The following ZNF804B variants were observed in gnomAD, a reference collection of about 807,000 sequenced individuals.
ZNF804B encodes zinc finger 804B.
In ZNF804B, 80 loss-of-function variants were observed where a neutral mutation model predicts 101.4. The ratio of observed to expected loss-of-function variants is 0.79; its 90% confidence interval spans 0.66 to 0.95. The LOEUF (loss-of-function observed/expected upper bound fraction) is 0.95. Ranked by LOEUF, ZNF804B falls within the 40% of genes least tolerant of loss-of-function variation. The pLI, the probability that ZNF804B is intolerant of heterozygous loss-of-function variation, is 0.00. For missense variants in ZNF804B, 1,673 were observed against 1,561.9 expected, an observed-to-expected ratio of 1.07 and a Z score of -1.20; for synonymous variants, 622 against 558.8, an observed-to-expected ratio of 1.11 and a Z score of -1.59.
Position 89,265,289 on chromosome 7 carries a change from T to TCAC in ZNF804B, c.249+46994_249+46995insCAC, listed in dbSNP as rs1562931331. Among the ~76,000 whole-genome samples the TCAC allele has an allele frequency of 1.3e-4, 15 of 118,548 alleles. No homozygotes were observed. The East Asian group carries it at 3.0e-3, about 24-fold the overall frequency. 77.8% of individuals were successfully genotyped at this position (118,548 alleles called of 152,430 possible). ...CAGTGTGTGTGTGTGTGTGTGTGTG[T>TCAC]GTGTGCGCGTGCGCGCGCGCACACA... On this transcript the variant is annotated intron_variant, in intron 2 of 3. Coordinates refer to ENST00000333190, the MANE Select transcript of ZNF804B (RefSeq NM_181646.5).
rs73395326 is a variant in ZNF804B at position 88,905,492 on chromosome 7, A to T, written c.108+145408A>T. On this transcript the variant is annotated intron_variant, in intron 1 of 3. Transcript: ENST00000333190. Reference sequence around the variant, plus strand: ...CCTGCCTCAACCTCCCAAATGTCTGAGATTACAGGCATCTGCCACCATCCC... The same window carrying T: ...CCTGCCTCAACCTCCCAAATGTCTGTGATTACAGGCATCTGCCACCATCCC... 2.5e-3 allele frequency among the ~76,000 whole-genome samples: 374 copies of T among 151,828 alleles called. 2 individuals are homozygous for T. The highest frequency in any genetic ancestry group is 8.9e-3 in the African/African-American group (370 of 41,410).
At chr7:89,190,822 T>C (rs1788445462) in intron 1 of ZNF804B, among the ~76,000 whole-genome samples, 1 of 152,158 alleles carries the variant, frequency 6.6e-6, no homozygotes, top group Non-Finnish European at 1.5e-5. Context: ...AAAAGATTTT[T>C]ACTCGCTGAA....
chr7:89,108,191 G>T (rs547951220), intron 1 of ZNF804B, among the ~76,000 whole-genome samples: 31 of 151,560 alleles, frequency 2.0e-4, no homozygotes, highest in African/African-American at 7.0e-4. Flanking sequence ...ACCTCTTTGT[G>T]GGCATTAGTT....
chr7:88,798,987 A>C (rs2115705149), intron 1 of ZNF804B, among the ~76,000 whole-genome samples: 2 of 152,262 alleles, frequency 1.3e-5, no homozygotes, highest in East Asian at 3.9e-4. Context: ...ACAACTGATA[A>C]GTCACAGAAC....
chr7:88,783,629 G>C (rs925905446), intron 1 of ZNF804B, among the ~76,000 whole-genome samples: 1 of 152,144 alleles, frequency 6.6e-6, no homozygotes, highest in Non-Finnish European at 1.5e-5. Flanking sequence ...GAATAAAAAT[G>C]TTCAGAGAAA....
At chr7:89,119,802 C>G (rs969573727) in intron 1 of ZNF804B, among the ~76,000 whole-genome samples, 29 of 152,052 alleles carry the variant, frequency 1.9e-4, no homozygotes, top group African/African-American at 6.5e-4. Flanking sequence ...TGGAAAGTTA[C>G]TAAGACATAA....
At chr7:89,058,206 A>T (rs1789325705) in intron 1 of ZNF804B, among the ~76,000 whole-genome samples, 1 of 152,136 alleles carries the variant, frequency 6.6e-6, no homozygotes, top group African/African-American at 2.4e-5. Flanking sequence ...ATCTGCAAAT[A>T]AAATAATGTG....
chr7:89,184,984 G>C (rs1788354835), intron 1 of ZNF804B, among the ~76,000 whole-genome samples: 1 of 152,140 alleles, frequency 6.6e-6, no homozygotes, highest in Non-Finnish European at 1.5e-5. Flanking sequence ...CAGTGACTTA[G>C]CTAATGACTT....
intron 1 of ZNF804B, among the ~76,000 whole-genome samples, chr7:89,061,494 T>C (rs1287271785): frequency 1.3e-5 from 2 of 152,078 alleles, no homozygotes; most frequent in Non-Finnish European, 2.9e-5. Context: ...ACGCATTTTA[T>C]AACTCTGAAA....
chr7:89,285,363 A>G (rs974098007), intron 2 of ZNF804B, among the ~76,000 whole-genome samples: 1 of 151,486 alleles, frequency 6.6e-6, no homozygotes, highest in Admixed American at 6.6e-5. Flanking sequence ...TCTACTAAAA[A>G]TACAAAAAAA....
At chr7:88,818,456 G>A (rs562391342) in intron 1 of ZNF804B, among the ~76,000 whole-genome samples, 303 of 152,092 alleles carry the variant, frequency 2.0e-3, no homozygotes, top group Middle Eastern at 6.8e-3. Context: ...TTAATATACC[G>A]TTATGATGCA....
At chr7:89,310,499 A>AT (rs571679371) in intron 2 of ZNF804B, among the ~76,000 whole-genome samples, 204 of 152,182 alleles carry the variant, frequency 1.3e-3, no homozygotes, top group African/African-American at 4.5e-3. Context: ...TTTAATAGTT[A>AT]TTTTTTCAAA....
At chr7:89,059,361 T>C (rs755337780) in intron 1 of ZNF804B, among the ~76,000 whole-genome samples, 1 of 152,134 alleles carries the variant, frequency 6.6e-6, no homozygotes, top group Non-Finnish European at 1.5e-5. Flanking sequence ...CCTCTACTTC[T>C]GGTGAAGGCC....
chr7:88,932,725 A>G (rs559614357), intron 1 of ZNF804B, among the ~76,000 whole-genome samples: 217 of 151,936 alleles, frequency 1.4e-3, no homozygotes, highest in African/African-American at 4.6e-3. Flanking sequence ...GCAGACCAAT[A>G]ACAAGCAGCG....
At chr7:89,295,108 G>T (rs1052074200) in intron 2 of ZNF804B, among the ~76,000 whole-genome samples, 1 of 152,036 alleles carries the variant, frequency 6.6e-6, no homozygotes, top group East Asian at 1.9e-4. Flanking sequence ...TCCTGCCTCT[G>T]CAATTATATG....
At chr7:88,813,423 TAAA>T (rs11431380) in intron 1 of ZNF804B, among the ~76,000 whole-genome samples, 4 of 135,692 alleles carry the variant, frequency 2.9e-5, no homozygotes, top group Non-Finnish European at 3.2e-5. Context: ...AGACTCCATC[TAAA>T]AAAAAAAAAA....
intron 1 of ZNF804B, among the ~76,000 whole-genome samples, chr7:89,099,189 TGAG>T (rs942427361): frequency 8.5e-5 from 13 of 152,066 alleles, no homozygotes; most frequent in Admixed American, 2.0e-4. Flanking sequence ...ATTTCATCCT[TGAG>T]GACACCTCCA....
intron 2 of ZNF804B, among the ~76,000 whole-genome samples, chr7:89,253,167 G>A (rs1371405172): frequency 6.6e-6 from 1 of 152,106 alleles, no homozygotes; most frequent in Non-Finnish European, 1.5e-5. Context: ...TTAAGAGCTT[G>A]CTTTAGAACA....
chr7:88,927,850 G>T (rs1464710335), intron 1 of ZNF804B, among the ~76,000 whole-genome samples: 1 of 151,880 alleles, frequency 6.6e-6, no homozygotes, highest in Non-Finnish European at 1.5e-5. Flanking sequence ...AAATTAACAT[G>T]CACTTATGGG....
Sources: allele counts gnomAD v4.1 joint callset (sites outside exome capture counted in the v4.1 genomes callset), GRCh38; gene constraint gnomAD v4.1.1; transcripts MANE v1.5; gene names NCBI Gene and HGNC (gene_info 2026-07-23, HGNC 2026-07-21).